Variants in FAR2 observed in about 807,000 individuals in gnomAD.
The protein encoded by FAR2 is epididymis secretory protein Li 81.
A neutral mutation model predicts 56.0 loss-of-function variants in FAR2; 19 were observed. That is an observed-to-expected ratio of 0.34 (90% CI 0.24 to 0.50). FAR2 has a LOEUF of 0.50. Among genes scored for constraint, FAR2 ranks in the 20% least tolerant of loss-of-function variants. The pLI, the probability that FAR2 is intolerant of heterozygous loss-of-function variation, is 0.98. For synonymous variants in FAR2, 219 were observed against 218.8 expected (o/e 1.00, Z -0.01); for missense variants, 508 against 642.2 (o/e 0.79, Z 2.26).
At position 29,321,927 on chromosome 12, in the gene FAR2, A is replaced by AAGT. The variant is rs1267477695; in HGVS notation, c.1257+6_1257+8dup. The stretch of plus-strand genomic sequence containing the variant: ...AGCTGAGTCCTGAAGACCAGAGAGT[A>AAGT]AGTAGAGCACTGACTTAAGCACCAG... On this transcript the variant is annotated splice_donor_region_variant and intron_variant, in intron 10 of 11. Coordinates refer to ENST00000536681, the MANE Select transcript of FAR2 (RefSeq NM_001271783.2). 3.7e-6 allele frequency: 6 copies of AAGT among 1,611,182 alleles called. No individual in the cohort carries two copies. In the East Asian group the frequency reaches 1.3e-4, roughly 36 times the overall value.
intron 1 of FAR2, chr12:29,223,737 T>C (rs1267467733): frequency 6.6e-6 from 1 of 152,150 alleles, no homozygotes; most frequent in East Asian, 1.9e-4. Context: ...GATGAACCAT[T>C]CTTCTGAAGG....
At chr12:29,296,949 A>C in intron 3 of FAR2, 72 bp from the exon 4 acceptor site, 1 of 1,379,248 alleles carries the variant, frequency 7.3e-7, no homozygotes, top group Non-Finnish European at 9.8e-7. Flanking sequence ...CAGTTATTGG[A>C]GTAGGTGCAG....
At chr12:29,162,901 A>G (rs113800598) in intron 1 of FAR2, among the ~76,000 whole-genome samples, 2,229 of 152,340 alleles carry the variant, frequency 0.015, 50 homozygotes, top group African/African-American at 0.05. Flanking sequence ...TATTTATTCA[A>G]TGATTATTGT....
chr12:29,203,722 G>A lies in FAR2; in HGVS notation c.-39+54315G>A, dbSNP rs187925384. On this transcript the variant is annotated intron_variant, in intron 1 of 11. Transcript: ENST00000536681. Reference sequence around the variant, plus strand: ...CAGGTAGATGAAAATTATGTCGGCCGGGGGCGGTGGCTCACGCCTGTAATC... The same window carrying A: ...CAGGTAGATGAAAATTATGTCGGCCAGGGGCGGTGGCTCACGCCTGTAATC... 4.3e-4 allele frequency among the ~76,000 whole-genome samples: 65 copies of A among 152,188 alleles called. 1 individual carries two copies. In the East Asian group the frequency reaches 0.011, roughly 25 times the overall value.
At chr12:29,297,268 G>A in intron 4 of FAR2, 68 bp downstream of exon 4, 1 of 1,429,490 alleles carries the variant, frequency 7.0e-7, no homozygotes, top group African/African-American at 1.4e-5. Context: ...TTGATTCTTT[G>A]TAGCTATTAA....
intron 1 of FAR2, among the ~76,000 whole-genome samples, chr12:29,241,175 C>T (rs1380790489): frequency 6.6e-6 from 1 of 152,174 alleles, no homozygotes; most frequent in Non-Finnish European, 1.5e-5. Context: ...TTAAGCTATG[C>T]ACATGCTACA....
chr12:29,163,341 T>A (rs947128872), intron 1 of FAR2, among the ~76,000 whole-genome samples: 2 of 152,214 alleles, frequency 1.3e-5, no homozygotes, highest in Non-Finnish European at 2.9e-5. Context: ...ATGTGTTTAG[T>A]GAGTCAAGCT....
At chr12:29,239,452 CTGTGTGTGTGTGTGTG>C (rs34821915) in intron 1 of FAR2, among the ~76,000 whole-genome samples, 1 of 147,834 alleles carries the variant, frequency 6.8e-6, no homozygotes, top group Non-Finnish European at 1.5e-5. Context: ...AATGAATCAA[CTGTGTGTGTGTGTGTG>C]TGTGTGTGTG....
intron 2 of FAR2, chr12:29,291,322 C>G: frequency 4.4e-6 from 2 of 450,814 alleles, no homozygotes; most frequent in South Asian, 3.1e-5. Context: ...AATACAATTT[C>G]CTAGGTTACA....
intron 1 of FAR2, among the ~76,000 whole-genome samples, chr12:29,245,891 A>G (rs1948120613): frequency 6.6e-6 from 1 of 152,060 alleles, no homozygotes; most frequent in Non-Finnish European, 1.5e-5. Flanking sequence ...TTGCATTCCC[A>G]CATCTCCAAT....
chr12:29,290,236 G>A (rs7358667), intron 2 of FAR2, among the ~76,000 whole-genome samples: 100,529 of 151,914 alleles, frequency 0.66, 34,303 homozygotes, highest in African/African-American at 0.83. Context: ...ACTGGAGGTC[G>A]GGAGTTCAAG....
At chr12:29,307,369 T>C (rs887492877) in intron 4 of FAR2, among the ~76,000 whole-genome samples, 2 of 151,674 alleles carry the variant, frequency 1.3e-5, no homozygotes, top group African/African-American at 4.8e-5. Flanking sequence ...TAAAGTAGTA[T>C]TGCTATTGAT....
intron 1 of FAR2, among the ~76,000 whole-genome samples, chr12:29,269,415 C>T (rs954206165): frequency 2.5e-4 from 38 of 152,106 alleles, no homozygotes; most frequent in Admixed American, 4.6e-4. Flanking sequence ...GTTCTTTTTT[C>T]AAGGTGCCTA....
intron 2 of FAR2, among the ~76,000 whole-genome samples, chr12:29,271,256 A>C (rs1455319672): frequency 2.0e-5 from 3 of 152,210 alleles, no homozygotes; most frequent in Non-Finnish European, 4.4e-5. Context: ...GACATTATGC[A>C]TATTCTCTCA....
At chr12:29,273,598 A>C (rs74076962) in intron 2 of FAR2, among the ~76,000 whole-genome samples, 2,607 of 152,276 alleles carry the variant, frequency 0.017, 59 homozygotes, top group African/African-American at 0.058. Flanking sequence ...GGCAGTTGCC[A>C]GTCCCAGTGC....
At chr12:29,162,128 G>C (rs1949786817) in intron 1 of FAR2, among the ~76,000 whole-genome samples, 1 of 152,080 alleles carries the variant, frequency 6.6e-6, no homozygotes, top group Admixed American at 6.5e-5. Context: ...TCTTAATAGA[G>C]TTCAATTTAT....
chr12:29,202,615 G>T (rs1947430185), intron 1 of FAR2, among the ~76,000 whole-genome samples: 1 of 152,208 alleles, frequency 6.6e-6, no homozygotes, highest in African/African-American at 2.4e-5. Context: ...GGTCATGGGG[G>T]CGGATCCCTC....
chr12:29,237,984 T>C (rs147261649), intron 1 of FAR2, among the ~76,000 whole-genome samples: 43 of 152,272 alleles, frequency 2.8e-4, no homozygotes, highest in African/African-American at 1.0e-3. Context: ...GTTAAAACAT[T>C]ATGCATGGGT....
intron 1 of FAR2, among the ~76,000 whole-genome samples, chr12:29,213,905 G>A (rs1322267214): frequency 2.0e-5 from 3 of 152,098 alleles, no homozygotes; most frequent in Non-Finnish European, 4.4e-5. Flanking sequence ...GGCAGTTAAT[G>A]GAAGGAGTCT....
Sources: gnomAD v4.1 joint callset for allele counts (sites outside exome capture counted in the v4.1 genomes callset) on GRCh38, gnomAD v4.1.1 for gene constraint, MANE v1.5 for transcripts, NCBI Gene and HGNC (gene_info 2026-07-23, HGNC 2026-07-21) for gene names.